TRPC7: variants seen among roughly 807,000 people sequenced by gnomAD.
TRPC7 encodes transient receptor potential cation channel subfamily C member 7.
TRPC7 carries 42 observed loss-of-function variants against 90.1 expected under a neutral mutation model. The ratio of observed to expected loss-of-function variants is 0.47; its 90% confidence interval spans 0.36 to 0.60. The LOEUF is 0.60. TRPC7 is among the 20% of genes least tolerant of loss of function. The pLI is 0.00. For missense variants in TRPC7, 955 were observed against 1,112.3 expected, an observed-to-expected ratio of 0.86 and a Z score of 2.01; for synonymous variants, 451 against 436.3, an observed-to-expected ratio of 1.03 and a Z score of -0.42.
intron 3 of TRPC7, among the ~76,000 whole-genome samples, chr5:136,282,211 T>G (rs1757570330): frequency 6.6e-6 from 1 of 152,170 alleles, no homozygotes; most frequent in South Asian, 2.1e-4. Context: ...TTGATGGAAC[T>G]GGGATGGGGT....
At chr5:136,315,140 A>T (rs1758967268) in intron 3 of TRPC7, among the ~76,000 whole-genome samples, 1 of 152,186 alleles carries the variant, frequency 6.6e-6, no homozygotes, top group Non-Finnish European at 1.5e-5. Flanking sequence ...AGGGCTGTTG[A>T]TCCCATAAGC....
intron 5 of TRPC7, among the ~76,000 whole-genome samples, chr5:136,262,058 T>C (rs929778851): frequency 2.0e-5 from 3 of 152,204 alleles, no homozygotes; most frequent in Non-Finnish European, 4.4e-5. Flanking sequence ...GTAAGTGTTA[T>C]TGGTTTTACC....
intron 3 of TRPC7, among the ~76,000 whole-genome samples, chr5:136,286,478 A>T (rs1253100474): frequency 1.3e-5 from 2 of 152,204 alleles, no homozygotes; most frequent in African/African-American, 4.8e-5. Flanking sequence ...GCTGTGAGGA[A>T]GCTCAAAATA....
chr5:136,336,502 G>T (rs1759668395), intron 2 of TRPC7, among the ~76,000 whole-genome samples: 1 of 151,626 alleles, frequency 6.6e-6, no homozygotes, highest in South Asian at 2.1e-4. Context: ...CTAGGGAAAG[G>T]AAGGTTTTTT....
chr5:136,293,674 A>T (rs1249816488), intron 3 of TRPC7, among the ~76,000 whole-genome samples: 2 of 152,222 alleles, frequency 1.3e-5, no homozygotes, highest in African/African-American at 4.8e-5. Flanking sequence ...TTCCATGCTC[A>T]TGGGTAGGAA....
intron 1 of TRPC7, among the ~76,000 whole-genome samples, chr5:136,363,878 A>G (rs1310076341): frequency 9.8e-5 from 15 of 152,290 alleles, no homozygotes; most frequent in African/African-American, 3.6e-4. Flanking sequence ...GAAGTTATGA[A>G]ACTGGATGTC....
At chr5:136,251,594 A>G in intron 6 of TRPC7, 55 bp downstream of exon 6, 1 of 1,375,390 alleles carries the variant, frequency 7.3e-7, no homozygotes, top group Non-Finnish European at 1.0e-6. Context: ...GTGAAGCACC[A>G]GGCCCACGTC....
intron 7 of TRPC7, among the ~76,000 whole-genome samples, chr5:136,243,114 CTCTG>C (rs1561684472): frequency 6.6e-6 from 1 of 152,100 alleles, no homozygotes; most frequent in Non-Finnish European, 1.5e-5. Flanking sequence ...TCTTCTTTCC[CTCTG>C]TCTTAGAATG....
chr5:136,360,533 C>T (rs1020124176), intron 1 of TRPC7, among the ~76,000 whole-genome samples: 5 of 152,142 alleles, frequency 3.3e-5, no homozygotes, highest in African/African-American at 1.2e-4. Flanking sequence ...CACCATTTGA[C>T]AAGCATTTTT....
At chr5:136,244,639 A>T (rs1756278414) in intron 7 of TRPC7, among the ~76,000 whole-genome samples, 1 of 152,240 alleles carries the variant, frequency 6.6e-6, no homozygotes, top group Non-Finnish European at 1.5e-5. Flanking sequence ...CTGATCACAG[A>T]AAGTAAGAGC....
At chr5:136,359,681 T>C (rs1402089920) in intron 1 of TRPC7, among the ~76,000 whole-genome samples, 1 of 152,058 alleles carries the variant, frequency 6.6e-6, no homozygotes, top group Non-Finnish European at 1.5e-5. Flanking sequence ...AGAAAGTTAC[T>C]GAGTCGAAAG....
At chr5:136,248,860 T>C (rs1756430873) in intron 6 of TRPC7, among the ~76,000 whole-genome samples, 2 of 152,262 alleles carry the variant, frequency 1.3e-5, no homozygotes, top group Admixed American at 1.3e-4. Context: ...GCAGCACTTC[T>C]CTCATGGAGG....
intron 3 of TRPC7, among the ~76,000 whole-genome samples, chr5:136,286,328 T>A (rs1757716901): frequency 6.6e-6 from 1 of 152,196 alleles, no homozygotes; most frequent in Non-Finnish European, 1.5e-5. Context: ...GAAGCTGGGA[T>A]AACTCTCAAT....
At chr5:136,302,082 A>T (rs1758415974) in intron 3 of TRPC7, among the ~76,000 whole-genome samples, 1 of 152,052 alleles carries the variant, frequency 6.6e-6, no homozygotes, top group African/African-American at 2.4e-5. Flanking sequence ...CCCTTCTCTT[A>T]ATTTCAATTC....
intron 3 of TRPC7, among the ~76,000 whole-genome samples, chr5:136,294,252 C>G (rs1580913753): frequency 1.3e-5 from 2 of 152,240 alleles, no homozygotes; most frequent in South Asian, 4.1e-4. Context: ...ATGTCTAAAA[C>G]AAAAAGCAAC....
intron 3 of TRPC7, among the ~76,000 whole-genome samples, chr5:136,281,668 A>T (rs1757555209): frequency 6.6e-6 from 1 of 152,160 alleles, no homozygotes; most frequent in Non-Finnish European, 1.5e-5. Flanking sequence ...TGTCAATACA[A>T]GCTCCACCAC....
intron 7 of TRPC7, among the ~76,000 whole-genome samples, chr5:136,236,003 T>C (rs577919919): frequency 3.5e-4 from 54 of 152,234 alleles, no homozygotes; most frequent in Non-Finnish European, 7.6e-4. Context: ...ACTATGAAAT[T>C]GGCATAATGA....
chr5:136,225,822 G>A (rs1312493042), intron 9 of TRPC7, among the ~76,000 whole-genome samples: 1 of 152,076 alleles, frequency 6.6e-6, no homozygotes, highest in East Asian at 1.9e-4. Context: ...TCTCCAAGGG[G>A]TTGCAAGGAG....
At chr5:136,275,037 GC>G (rs1757319391) in intron 3 of TRPC7, among the ~76,000 whole-genome samples, 200 bp from the exon 4 acceptor site, 1 of 152,170 alleles carries the variant, frequency 6.6e-6, no homozygotes, top group Non-Finnish European at 1.5e-5. Flanking sequence ...TTGTGCTGTG[GC>G]CAGAGTCCTT....
Sources: gnomAD v4.1 joint callset for allele counts (sites outside exome capture counted in the v4.1 genomes callset) on GRCh38, gnomAD v4.1.1 for gene constraint, MANE v1.5 for transcripts, NCBI Gene and HGNC (gene_info 2026-07-23, HGNC 2026-07-21) for gene names.